Variants in ASF1B observed in about 807,000 individuals in gnomAD.
The protein encoded by ASF1B is histone chaperone ASF1B.
In ASF1B, 10 loss-of-function variants were observed where a neutral mutation model predicts 16.6. That is an observed-to-expected ratio of 0.60 (90% CI 0.37 to 1.02). ASF1B has a LOEUF of 1.02. Ranked by LOEUF, ASF1B falls within the 50% of genes least tolerant of loss-of-function variation. The probability of loss-of-function intolerance (pLI) is 0.01; values close to 1 mark genes in which losing one functional copy is unlikely to be tolerated. For missense variants in ASF1B, 240 were observed against 266.0 expected (o/e 0.90, Z 0.68); for synonymous variants, 101 against 106.2 (o/e 0.95, Z 0.30).
At chr19:14,133,153 T>TAAATA (rs971694594) in intron 1 of ASF1B, among the ~76,000 whole-genome samples, 2 of 149,812 alleles carry the variant, frequency 1.3e-5, no homozygotes, top group African/African-American at 2.5e-5. Context: ...AATAAATAAA[T>TAAATA]AATAATAATA....
At position 14,130,361 on chromosome 19, in the gene ASF1B, G is replaced by A. The variant is rs145454111; in HGVS notation, c.110-4124C>T. On this transcript the variant is annotated intron_variant, in intron 1 of 3. Transcript: ENST00000263382. ...CAGGCATGAGCCACTATGCCCAGTC[G>A]AGAATCATCTTAAATTTGCTGAAGT... Among the ~76,000 whole-genome samples the A allele has an allele frequency of 5.2e-3, 785 of 152,014 alleles. 4 individuals carry two copies. The highest frequency in any genetic ancestry group is 9.0e-3 in the Non-Finnish European group (610 of 67,960).
Position 14,136,560 on chromosome 19 carries a change from C to A in ASF1B, c.-104G>T. 4.7e-6 allele frequency: 4 copies of A among 844,056 alleles called. No homozygotes were observed. The highest frequency in any genetic ancestry group is 7.2e-6 in the Non-Finnish European group (4 of 552,872). The allele number at this position is 844,056 out of a possible 1,614,324, so 52.3% of individuals were successfully genotyped here. On this transcript the variant is annotated 5_prime_UTR_variant, in exon 1 of 4. Transcript: ENST00000263382. ...TGGGGTAGGGCTGACCAGGTCCACTCCCGCCTCTTCTCTCCGAGAACTGAA... is the reference window on the plus strand; with the variant it reads ...TGGGGTAGGGCTGACCAGGTCCACTACCGCCTCTTCTCTCCGAGAACTGAA...
At chr19:14,126,853 C>A (rs952393176) in intron 1 of ASF1B, among the ~76,000 whole-genome samples, 1 of 152,152 alleles carries the variant, frequency 6.6e-6, no homozygotes, top group South Asian at 2.1e-4. Flanking sequence ...GTGATCTGCC[C>A]GCCTCAGCCT....
chr19:14,127,554 G>T (rs1967337235), intron 1 of ASF1B, among the ~76,000 whole-genome samples: 2 of 152,186 alleles, frequency 1.3e-5, no homozygotes, highest in African/African-American at 2.4e-5. Context: ...AGCCACCCTG[G>T]TCTTCCAGAT....
At chr19:14,134,894 G>A (rs1054612730) in intron 1 of ASF1B, among the ~76,000 whole-genome samples, 3 of 151,706 alleles carry the variant, frequency 2.0e-5, no homozygotes, top group African/African-American at 7.3e-5. Context: ...AAAAGCAACG[G>A]GAGCTTGGCA....
chr19:14,120,294 G>A lies in ASF1B; in HGVS notation c.*165C>T, dbSNP rs1967213479. ...GAGGAAAAGCGAGATCATCCTTCTG[G>A]CCAGGACTAGGGGAGACCCAAGGCC... On this transcript the variant is annotated 3_prime_UTR_variant, in exon 4 of 4. Coordinates refer to ENST00000263382, the MANE Select transcript of ASF1B (RefSeq NM_018154.3). 3.3e-6 allele frequency: 2 copies of A among 614,282 alleles called. No homozygotes were observed. The highest frequency in any genetic ancestry group is 4.2e-4 in the Middle Eastern group (1 of 2,386). The allele number at this position is 614,282 out of a possible 1,614,324, so 38.1% of individuals were successfully genotyped here.
intron 1 of ASF1B, among the ~76,000 whole-genome samples, chr19:14,127,460 C>T (rs894151051): frequency 2.6e-5 from 4 of 152,078 alleles, no homozygotes; most frequent in African/African-American, 7.2e-5. Context: ...GTGGATCCCT[C>T]GACAACTGGG....
chr19:14,126,322 T>G, intron 1 of ASF1B, 85 bp from the exon 2 acceptor site: 1 of 847,648 alleles, frequency 1.2e-6, no homozygotes, highest in Non-Finnish European at 1.9e-6. Flanking sequence ...TTTTTTTTTT[T>G]GAGATGGAGT....
At chr19:14,129,633 A>C (rs1310648865) in intron 1 of ASF1B, among the ~76,000 whole-genome samples, 1 of 133,216 alleles carries the variant, frequency 7.5e-6, no homozygotes, top group Admixed American at 8.2e-5. Flanking sequence ...GTGAGCCGAG[A>C]TTTTGCCACT....
chr19:14,125,079 G>A (rs974917472), intron 2 of ASF1B, among the ~76,000 whole-genome samples: 2 of 152,034 alleles, frequency 1.3e-5, no homozygotes, highest in Non-Finnish European at 2.9e-5. Context: ...CGATTCTCCC[G>A]CCGCAGCCTC....
intron 2 of ASF1B, among the ~76,000 whole-genome samples, chr19:14,124,828 G>T (rs7249561): frequency 0.02 from 3,004 of 152,286 alleles, 93 homozygotes; most frequent in African/African-American, 0.068. Context: ...GGCACCCAAC[G>T]GTAGTGCTGA....
chr19:14,128,553 C>G (rs1225347014), intron 1 of ASF1B, among the ~76,000 whole-genome samples: 1 of 152,210 alleles, frequency 6.6e-6, no homozygotes, highest in Non-Finnish European at 1.5e-5. Flanking sequence ...TAGCTCACTA[C>G]AGCCACAAAT....
At chr19:14,129,772 A>G (rs1459352883) in intron 1 of ASF1B, among the ~76,000 whole-genome samples, 2 of 145,740 alleles carry the variant, frequency 1.4e-5, no homozygotes, top group Non-Finnish European at 3.0e-5. Flanking sequence ...GGTGAGGTGG[A>G]TCATTGGATC....
chr19:14,132,029 T>G (rs1044301231), intron 1 of ASF1B, among the ~76,000 whole-genome samples: 11 of 149,354 alleles, frequency 7.4e-5, no homozygotes, highest in African/African-American at 2.2e-4. Context: ...GGGTGGTTTT[T>G]TTTTTTTTTT....
intron 1 of ASF1B, among the ~76,000 whole-genome samples, chr19:14,132,659 G>T (rs1423199857): frequency 6.6e-6 from 1 of 151,872 alleles, no homozygotes; most frequent in Non-Finnish European, 1.5e-5. Flanking sequence ...CTCTACTAAA[G>T]ACACAAAAAT....
At chr19:14,130,787 G>GCA (rs1555776609) in intron 1 of ASF1B, among the ~76,000 whole-genome samples, 1 of 142,440 alleles carries the variant, frequency 7.0e-6, no homozygotes, top group Admixed American at 7.1e-5. Context: ...GTGTTTGTGT[G>GCA]TATATATATA....
intron 2 of ASF1B, among the ~76,000 whole-genome samples, chr19:14,123,243 G>A (rs1274854584): frequency 2.0e-5 from 3 of 152,148 alleles, no homozygotes; most frequent in Non-Finnish European, 4.4e-5. Context: ...AGTGGTGGCT[G>A]AAGGGGTTAG....
chr19:14,125,267 T>C (rs547703101), intron 2 of ASF1B, among the ~76,000 whole-genome samples: 2 of 152,206 alleles, frequency 1.3e-5, no homozygotes, highest in African/African-American at 2.4e-5. Context: ...ATAGCCGTCC[T>C]GGTGTCTTTT....
Position 14,119,712 on chromosome 19 carries a change from G to A in ASF1B, c.*747C>T, listed in dbSNP as rs1336051504. Reference sequence around the variant, plus strand: ...TGAAATCACCCTGGTCCTAGCAGAGGACAGGTTAAGGCTGCCAGAGGCAGA... The same window carrying A: ...TGAAATCACCCTGGTCCTAGCAGAGAACAGGTTAAGGCTGCCAGAGGCAGA... On this transcript the variant is annotated 3_prime_UTR_variant, in exon 4 of 4. Coordinates refer to ENST00000263382, the MANE Select transcript of ASF1B (RefSeq NM_018154.3). The A allele has an allele frequency of 1.3e-5, 2 of 152,704 alleles. No homozygotes were observed. Among genetic ancestry groups the A allele is most frequent in the African/African-American group, 4.8e-5 (2 of 41,466 alleles). 9.5% of individuals were successfully genotyped at this position (152,704 alleles called of 1,614,324 possible).
Sources: gnomAD v4.1 joint callset for allele counts (sites outside exome capture counted in the v4.1 genomes callset) on GRCh38, gnomAD v4.1.1 for gene constraint, MANE v1.5 for transcripts, NCBI Gene and HGNC (gene_info 2026-07-23, HGNC 2026-07-21) for gene names.